COPS4: variants seen among roughly 807,000 people sequenced by gnomAD.
COPS4 encodes COP9 signalosome complex subunit 4.
A neutral mutation model predicts 55.1 loss-of-function variants in COPS4; 8 were observed. The ratio of observed to expected loss-of-function variants is 0.15; its 90% CI spans 0.09 to 0.26. The LOEUF is 0.26. Ranked by LOEUF, COPS4 falls within the 10% of genes least tolerant of loss-of-function variation. The pLI, the probability that COPS4 is intolerant of heterozygous loss-of-function variation, is 1.00. For synonymous variants in COPS4, 185 were observed against 165.7 expected (o/e 1.12, Z -0.90); for missense variants, 248 against 484.0 (o/e 0.51, Z 4.58).
chr4:83,074,297 G>A (rs1202031369), intron 9 of COPS4, among the ~76,000 whole-genome samples: 6 of 151,902 alleles, frequency 3.9e-5, no homozygotes, highest in African/African-American at 1.2e-4. Flanking sequence ...GTTTTATTTC[G>A]TTTTCACTAG....
intron 2 of COPS4, among the ~76,000 whole-genome samples, chr4:83,047,679 C>T (rs1317563262): frequency 4.6e-5 from 7 of 152,148 alleles, no homozygotes; most frequent in African/African-American, 1.7e-4. Flanking sequence ...TTTTGAATCA[C>T]TTATTTTCAT....
At position 83,053,764 on chromosome 4, in the gene COPS4, C is replaced by T. The variant is rs576859582; in HGVS notation, c.411-3162C>T. On this transcript the variant is annotated intron_variant, in intron 4 of 9. Transcript: ENST00000264389. ...CTGAAGCACAAGAATCATTTGAACC[C>T]GGGATGTGGAGGTTGCAGTGAGCCG... Among the ~76,000 whole-genome samples the T allele has an allele frequency of 1.6e-4, 21 of 134,272 alleles. No individual in the cohort carries two copies. In the South Asian group the frequency reaches 3.2e-3, roughly 21 times the overall value. The allele number at this position is 134,272 out of a possible 152,430, so 88.1% of individuals were successfully genotyped here. A position where few individuals can be genotyped will look rare whatever the true frequency, so the allele number is the denominator to read the frequency against.
chr4:83,057,228 C>T (rs766824599), intron 5 of COPS4, 30 bp from the exon 6 acceptor site: 59 of 1,557,966 alleles, frequency 3.8e-5, no homozygotes, highest in Non-Finnish European at 4.7e-5. Flanking sequence ...TTTAATTTGT[C>T]CCCTAATTGA....
At chr4:83,060,446 T>G (rs1731136859) in intron 6 of COPS4, among the ~76,000 whole-genome samples, 1 of 151,632 alleles carries the variant, frequency 6.6e-6, no homozygotes, top group Admixed American at 6.6e-5. Flanking sequence ...CCTCCCAGGT[T>G]CAGCCATTCT....
chr4:83,046,617 A>G (rs560375086), intron 2 of COPS4, among the ~76,000 whole-genome samples: 1,537 of 152,294 alleles, frequency 0.01, 30 homozygotes, highest in African/African-American at 0.034. Context: ...AAAGAATACA[A>G]TCATGTCCTG....
At position 83,061,251 on chromosome 4, in the gene COPS4, T is replaced by C. The variant is rs146809989; in HGVS notation, c.716-1825T>C. Among the ~76,000 whole-genome samples the C allele has an allele frequency of 6.1e-4, 93 of 152,248 alleles. 1 individual carries two copies. The highest frequency in any genetic ancestry group is 5.1e-3 in the Admixed American group (78 of 15,290). On this transcript the variant is annotated intron_variant, in intron 6 of 9. Transcript: ENST00000264389. ...AAAGTACACATGAAAAGTATACAGC[T>C]TGATGAATTTTCACAAACTGAACAC...
rs182020940 is a variant in COPS4, at chr4:83,069,599, G to A, written c.1087+1077G>A. Among the ~76,000 whole-genome samples, 251 of 152,084 alleles carry A rather than the reference G, an allele frequency of 1.7e-3. 1 individual carries two copies. The highest frequency in any genetic ancestry group is 3.4e-3 in the Middle Eastern group (1 of 294). ...CAGGTTTGGTTTTTCTTAAATCTCT[G>A]ACTTTTCTCCCCATTTATTCTCAGT... On this transcript the variant is annotated intron_variant, in intron 9 of 9. Transcript: ENST00000264389.
At chr4:83,049,378 A>G in intron 3 of COPS4, 61 bp downstream of exon 3, 3 of 1,397,146 alleles carry the variant, frequency 2.1e-6, no homozygotes, top group South Asian at 1.3e-5. Flanking sequence ...TGAGAATCTG[A>G]TATTAGTAAA....
At position 83,075,746 on chromosome 4, in the gene COPS4, T is replaced by C. The variant is rs1731556319; in HGVS notation, c.*316T>C. 4.6e-6 allele frequency: 1 copy of C among 216,310 alleles called. No individual in the cohort carries two copies. Among genetic ancestry groups the C allele is most frequent in the Non-Finnish European group, 9.1e-6 (1 of 109,760 alleles). The allele number at this position is 216,310 out of a possible 1,614,324, so 13.4% of individuals were successfully genotyped here. A position where few individuals can be genotyped will look rare whatever the true frequency, so the allele number is the denominator to read the frequency against. ...AGTCATGTAAAACTTAAGTGCTTCA[T>C]GCCTCTCCAAATGTGGTTATTCTAA... is the stretch of plus-strand genomic sequence containing the variant. On this transcript the variant is annotated 3_prime_UTR_variant, in exon 10 of 10. Transcript: ENST00000264389.
intron 6 of COPS4, among the ~76,000 whole-genome samples, chr4:83,058,021 CAA>C (rs918820292): frequency 1.4e-5 from 2 of 144,996 alleles, no homozygotes; most frequent in Admixed American, 1.4e-4. Flanking sequence ...CAGAGTGAAA[CAA>C]AAATTAAAAT....
intron 4 of COPS4, among the ~76,000 whole-genome samples, chr4:83,056,097 AT>A (rs1422881424): frequency 6.6e-6 from 1 of 151,346 alleles, no homozygotes; most frequent in Admixed American, 6.6e-5. Context: ...TGCCCGGCTA[AT>A]TTTTTGTATT....
At chr4:83,070,404 TG>T (rs1454221449) in intron 9 of COPS4, among the ~76,000 whole-genome samples, 5 of 152,240 alleles carry the variant, frequency 3.3e-5, no homozygotes, top group Non-Finnish European at 5.9e-5. Context: ...GATTGCTTCA[TG>T]GGCATCTTAG....
At chr4:83,068,020 A>G (rs184824280) in intron 8 of COPS4, among the ~76,000 whole-genome samples, 30 of 152,140 alleles carry the variant, frequency 2.0e-4, no homozygotes, top group Non-Finnish European at 3.5e-4. Context: ...AAACCCTTTC[A>G]ATTTCTTTTT....
chr4:83,041,918 G>A (rs569806980), intron 1 of COPS4, among the ~76,000 whole-genome samples: 1 of 150,072 alleles, frequency 6.7e-6, no homozygotes, highest in East Asian at 2.0e-4. Flanking sequence ...AGGCTGAAGT[G>A]CAGCAGCGGG....
intron 1 of COPS4, among the ~76,000 whole-genome samples, chr4:83,039,573 G>A (rs1472382891): frequency 6.6e-6 from 1 of 152,124 alleles, no homozygotes; most frequent in Non-Finnish European, 1.5e-5. Flanking sequence ...AAGCTTCACT[G>A]GGTTTCCTGA....
intron 6 of COPS4, among the ~76,000 whole-genome samples, chr4:83,057,688 C>T (rs949581917): frequency 3.3e-5 from 5 of 151,772 alleles, no homozygotes; most frequent in East Asian, 1.9e-4. Context: ...TTTGGGAGGC[C>T]GAGGCGGGTG....
chr4:83,061,042 A>G (rs1283816763), intron 6 of COPS4, among the ~76,000 whole-genome samples: 2 of 151,554 alleles, frequency 1.3e-5, no homozygotes, highest in East Asian at 1.9e-4. Flanking sequence ...CTCAAAAAAA[A>G]AATAATAATA....
chr4:83,047,980 G>A (rs1394732013), intron 2 of COPS4, among the ~76,000 whole-genome samples: 2 of 148,482 alleles, frequency 1.3e-5, no homozygotes, highest in East Asian at 3.9e-4. Flanking sequence ...CAGCCTGGGC[G>A]ACAGAGCGAG....
chr4:83,038,877 T>A (rs1730490783), intron 1 of COPS4, among the ~76,000 whole-genome samples: 1 of 152,174 alleles, frequency 6.6e-6, no homozygotes. Context: ...TCTTTTGACC[T>A]TGTGATCCAC....
Sources: allele counts gnomAD v4.1 joint callset (sites outside exome capture counted in the v4.1 genomes callset), GRCh38; gene constraint gnomAD v4.1.1; transcripts MANE v1.5; gene names NCBI Gene and HGNC (gene_info 2026-07-23, HGNC 2026-07-21).